Variants in NUDCD2 observed in about 807,000 individuals in gnomAD.
The protein encoded by NUDCD2 is NudC domain containing 2.
Under a neutral mutation model 20.8 loss-of-function variants are expected in NUDCD2, and 16 were observed. That is an observed-to-expected ratio of 0.77 (90% CI 0.52 to 1.17). NUDCD2 has a LOEUF of 1.17. NUDCD2 is among the 50% of genes most tolerant of loss of function. NUDCD2 has a pLI of 0.00. For synonymous variants in NUDCD2, 87 were observed against 72.8 expected (o/e 1.20, Z -1.00); for missense variants, 199 against 193.9 (o/e 1.03, Z -0.16).
In NUDCD2 at chr5:163,450,347, T is replaced by C. The variant is rs1324378566; in HGVS notation, c.*3620A>G. ...AAAACATGATCCACCAATGGCATGA[T>C]GGATAAGACTTCATCAAAATTAAGT... On this transcript the variant is annotated 3_prime_UTR_variant, in exon 4 of 4. Transcript: ENST00000302764. 1 of 152,164 alleles carries C rather than the reference T, an allele frequency of 6.6e-6. No homozygotes were observed. Among genetic ancestry groups the C allele is most frequent in the East Asian group, 1.9e-4 (1 of 5,176 alleles). 9.4% of individuals were successfully genotyped at this position (152,164 alleles called of 1,614,324 possible).
intron 3 of NUDCD2, among the ~76,000 whole-genome samples, chr5:163,454,945 A>G (rs1303875708): frequency 6.6e-6 from 1 of 152,238 alleles, no homozygotes; most frequent in Non-Finnish European, 1.5e-5. Context: ...GACTTTTTAA[A>G]AACTAGGTAG....
intron 1 of NUDCD2, among the ~76,000 whole-genome samples, chr5:163,457,848 T>C (rs1256725923): frequency 6.6e-6 from 1 of 152,074 alleles, no homozygotes; most frequent in Non-Finnish European, 1.5e-5. Flanking sequence ...AGATCAGGGC[T>C]CCTTAATTTT....
At position 163,459,727 on chromosome 5, in the gene NUDCD2, A is replaced by G. The variant is rs928712099; in HGVS notation, c.189+135T>C. On this transcript the variant is annotated intron_variant, in intron 1 of 3. Transcript: ENST00000302764. ...GAGGCGGGGGCTCTGACCAGACCCA[A>G]ACCTGGTCAGTGTTATCCTCTTTCT... 12 of 713,554 alleles carry G rather than the reference A, an allele frequency of 1.7e-5. No homozygotes were observed. The Admixed American group carries it at 2.5e-4, about 15-fold the overall frequency. 44.2% of individuals were successfully genotyped at this position (713,554 alleles called of 1,614,324 possible). A position where few individuals can be genotyped will look rare whatever the true frequency, so the allele number is the denominator to read the frequency against.
At position 163,449,554 on chromosome 5, in the gene NUDCD2, C is replaced by T. The variant is rs1183770039; in HGVS notation, c.*4413G>A. The T allele has an allele frequency of 3.9e-5, 6 of 152,092 alleles. No individual in the cohort carries two copies. The highest frequency in any genetic ancestry group is 1.4e-4 in the African/African-American group (6 of 41,390). 9.4% of individuals were successfully genotyped at this position (152,092 alleles called of 1,614,324 possible). A position where few individuals can be genotyped will look rare whatever the true frequency, so the allele number is the denominator to read the frequency against. ...ACCCCAGTAGGATTTTTTGTAGATA[C>T]AGAGTAGCTAATTCTAAAATTCATA... On this transcript the variant is annotated 3_prime_UTR_variant, in exon 4 of 4. Transcript: ENST00000302764.
At position 163,459,869 on chromosome 5, in the gene NUDCD2, A is replaced by T. The variant is rs766683302; in HGVS notation, c.182T>A (p.Ile61Asn). 6.2e-7 allele frequency: 1 copy of T among 1,602,388 alleles called. No homozygotes were observed. Among genetic ancestry groups the T allele is most frequent in the South Asian group, 1.1e-5 (1 of 89,968 alleles). ...HVALSVGGREILKGKLFDSTI... is the reference protein window; with the variant it reads ...HVALSVGGRENLKGKLFDSTI... ...GCCCCGAGCTGCCGCTACCTTGAGG[A>T]TCTCGCGGCCGCCCACCGACAGCGC... The change falls in exon 1 of 4, where the codon ATC becomes AAC. Residue 61 changes from isoleucine to asparagine, a missense_variant. Transcript: ENST00000302764.
rs1221352614 is a variant in NUDCD2, at chr5:163,449,398, A to G, written c.*4569T>C. On this transcript the variant is annotated 3_prime_UTR_variant, in exon 4 of 4. Transcript: ENST00000302764. ...GTTTCAAAAATAATACAACTTAACAATAGTTCCTCCAAAATGAACACTGTG... is the reference window on the plus strand; with the variant it reads ...GTTTCAAAAATAATACAACTTAACAGTAGTTCCTCCAAAATGAACACTGTG... The G allele has an allele frequency of 6.6e-6, 1 of 152,224 alleles. No homozygotes were observed. Among genetic ancestry groups the G allele is most frequent in the Non-Finnish European group, 1.5e-5 (1 of 68,046 alleles). 9.4% of individuals were successfully genotyped at this position (152,224 alleles called of 1,614,324 possible).
chr5:163,458,747 T>C (rs183015412), intron 1 of NUDCD2, among the ~76,000 whole-genome samples: 142 of 152,320 alleles, frequency 9.3e-4, no homozygotes, highest in African/African-American at 3.2e-3. Flanking sequence ...CACTGGTCTA[T>C]ACGTACATCA....
intron 3 of NUDCD2, among the ~76,000 whole-genome samples, chr5:163,454,697 A>G (rs1043205287): frequency 4.6e-5 from 7 of 152,232 alleles, no homozygotes; most frequent in Non-Finnish European, 1.0e-4. Flanking sequence ...TAAGAGCTAT[A>G]CATATATAAG....
chr5:163,458,761 A>C (rs1213875963), intron 1 of NUDCD2, among the ~76,000 whole-genome samples: 1 of 152,234 alleles, frequency 6.6e-6, no homozygotes, highest in Non-Finnish European at 1.5e-5. Flanking sequence ...TACATCAGAA[A>C]TCCCAAATTC....
Position 163,457,592 on chromosome 5 carries a change from T to C in NUDCD2, c.208A>G (p.Thr70Ala). 1 of 1,583,420 alleles carries C rather than the reference T, an allele frequency of 6.3e-7. No homozygotes were observed. The highest frequency in any genetic ancestry group is 8.7e-7 in the Non-Finnish European group (1 of 1,152,528). ...EILKGKLFDS[T>A]IADEGTWTLE... Reference sequence around the variant, plus strand: ...GTCCATGTTCCCTCATCAGCTATTGTAGAATCAAAGAGTTTGCCCTGAAAA... The same window carrying C: ...GTCCATGTTCCCTCATCAGCTATTGCAGAATCAAAGAGTTTGCCCTGAAAA... Residue 70 changes from threonine (T) to alanine (A), a missense_variant, in exon 2 of 4, where the codon ACA (threonine) becomes GCA (alanine). Physicochemically the swap from Thr to Ala is moderately conservative, Grantham distance 58. Coordinates refer to ENST00000302764, the MANE Select transcript of NUDCD2 (RefSeq NM_145266.6).
At position 163,460,052 on chromosome 5, in the gene NUDCD2, A is replaced by T; in HGVS notation, c.-2T>A. 1.3e-6 allele frequency: 2 copies of T among 1,562,146 alleles called. No individual in the cohort carries two copies. On this transcript the variant is annotated 5_prime_UTR_variant, in exon 1 of 4. Transcript: ENST00000302764. ...CCGCTCCTCAAACGGGGCCGACATA[A>T]TCCAGTCCCTCCCGGCCGCGGCCGC...
At chr5:163,457,789 A>G (rs1029115658) in intron 1 of NUDCD2, among the ~76,000 whole-genome samples, 179 bp from the exon 2 acceptor site, 2 of 152,118 alleles carry the variant, frequency 1.3e-5, no homozygotes, top group Admixed American at 6.6e-5. Context: ...ACTAGTTTAC[A>G]CTGCAAGGGA....
chr5:163,456,538 A>G (rs932976741), intron 3 of NUDCD2, among the ~76,000 whole-genome samples: 2 of 152,180 alleles, frequency 1.3e-5, no homozygotes, highest in Non-Finnish European at 2.9e-5. Context: ...GCTAAAAAAC[A>G]AAACAAAACA....
rs1477678599 is a variant in NUDCD2, at chr5:163,446,852, T to TA, written c.*7114dup. On this transcript the variant is annotated 3_prime_UTR_variant, in exon 4 of 4. Transcript: ENST00000302764. Reference sequence around the variant, plus strand: ...CAACATGGTGAAACCCCATCTCTACTAAAAATACAAAAATCAGCTGGGTGT... The same window carrying TA: ...CAACATGGTGAAACCCCATCTCTACTAAAAAATACAAAAATCAGCTGGGTGT... 3 of 151,736 alleles carry TA rather than the reference T, an allele frequency of 2.0e-5. No homozygotes were observed. Among genetic ancestry groups the TA allele is most frequent in the Non-Finnish European group, 2.9e-5 (2 of 67,980 alleles). 9.4% of individuals were successfully genotyped at this position (151,736 alleles called of 1,614,324 possible).
intron 3 of NUDCD2, 90 bp downstream of exon 3, chr5:163,456,839 C>T (rs1758323636): frequency 2.1e-6 from 2 of 973,552 alleles, no homozygotes; most frequent in African/African-American, 3.4e-5. Context: ...TGTAACTTTT[C>T]ATAATGACAT....
At chr5:163,454,350 A>AT (rs1438058156) in intron 3 of NUDCD2, among the ~76,000 whole-genome samples, 3 of 151,706 alleles carry the variant, frequency 2.0e-5, no homozygotes, top group Non-Finnish European at 4.4e-5. Flanking sequence ...ATTTATTATT[A>AT]TTTTTTTTGA....
rs1323152390 is a variant in NUDCD2, at chr5:163,446,796, C to T, written c.*7171G>A. 1.3e-5 allele frequency: 2 copies of T among 152,190 alleles called. No individual in the cohort carries two copies. Among genetic ancestry groups the T allele is most frequent in the Admixed American group, 6.5e-5 (1 of 15,276 alleles). 9.4% of individuals were successfully genotyped at this position (152,190 alleles called of 1,614,324 possible). A position where few individuals can be genotyped will look rare whatever the true frequency, so the allele number is the denominator to read the frequency against. ...TTGGGAGGCCAAGGTGGACGGATCA[C>T]TTGAGGCCAGGAGTTCGAGACCAGC... On this transcript the variant is annotated 3_prime_UTR_variant, in exon 4 of 4. Coordinates refer to ENST00000302764, the MANE Select transcript of NUDCD2 (RefSeq NM_145266.6).
rs1328012175 is a variant in NUDCD2 at position 163,451,461 on chromosome 5, G to A, written c.*2506C>T. ...TGAACTCTTCAATACTCTGACTGTGGAGGTGTTTACACATATCTATACTTA... is the reference window on the plus strand; with the variant it reads ...TGAACTCTTCAATACTCTGACTGTGAAGGTGTTTACACATATCTATACTTA... On this transcript the variant is annotated 3_prime_UTR_variant, in exon 4 of 4. Transcript: ENST00000302764. 1 of 152,100 alleles carries A rather than the reference G, an allele frequency of 6.6e-6. No homozygotes were observed. Among genetic ancestry groups the A allele is most frequent in the East Asian group, 1.9e-4 (1 of 5,192 alleles). 9.4% of individuals were successfully genotyped at this position (152,100 alleles called of 1,614,324 possible).
Position 163,452,347 on chromosome 5 carries a change from G to T in NUDCD2, c.*1620C>A, listed in dbSNP as rs1451993285. Reference sequence around the variant, plus strand: ...ATGGCTGATTCTTGGGTTAGGTCGAGGACAGCATGAGAAGCCTGGTATATC... The same window carrying T: ...ATGGCTGATTCTTGGGTTAGGTCGATGACAGCATGAGAAGCCTGGTATATC... On this transcript the variant is annotated 3_prime_UTR_variant, in exon 4 of 4. Coordinates refer to ENST00000302764, the MANE Select transcript of NUDCD2 (RefSeq NM_145266.6). 6.6e-6 allele frequency: 1 copy of T among 152,122 alleles called. No homozygotes were observed. Among genetic ancestry groups the T allele is most frequent in the South Asian group, 2.1e-4 (1 of 4,810 alleles). The allele number at this position is 152,122 out of a possible 1,614,324, so 9.4% of individuals were successfully genotyped here. A position where few individuals can be genotyped will look rare whatever the true frequency, so the allele number is the denominator to read the frequency against.
Sources: allele counts gnomAD v4.1 joint callset (sites outside exome capture counted in the v4.1 genomes callset), GRCh38; gene constraint gnomAD v4.1.1; transcripts MANE v1.5; gene names NCBI Gene and HGNC (gene_info 2026-07-23, HGNC 2026-07-21).